DENND1A: variants seen among roughly 807,000 people sequenced by gnomAD.
DENND1A encodes DENN domain-containing protein 1A.
In DENND1A, 51 loss-of-function variants were observed where a neutral mutation model predicts 113.7. The ratio of observed to expected loss-of-function variants is 0.45; its 90% CI spans 0.36 to 0.57. The LOEUF is 0.57. Ranked by LOEUF, DENND1A falls within the 20% of genes least tolerant of loss-of-function variation. DENND1A has a pLI of 0.00. For missense variants in DENND1A, 1,258 were observed against 1,395.9 expected, an observed-to-expected ratio of 0.90 and a Z score of 1.57; for synonymous variants, 565 against 570.8, an observed-to-expected ratio of 0.99 and a Z score of 0.14.
intron 10 of DENND1A, among the ~76,000 whole-genome samples, chr9:123,617,216 A>G (rs568680449): frequency 2.0e-5 from 3 of 152,328 alleles, no homozygotes; most frequent in African/African-American, 7.2e-5. Flanking sequence ...ATGAGCAACA[A>G]CAGAGGATGA....
chr9:123,390,767 G>A (rs1404433806), intron 21 of DENND1A, among the ~76,000 whole-genome samples: 4 of 152,232 alleles, frequency 2.6e-5, no homozygotes, highest in Admixed American at 1.3e-4. Context: ...TCCTGTGAGC[G>A]GGGCTCGGAG....
At chr9:123,866,295 A>C (rs1419340267) in intron 2 of DENND1A, among the ~76,000 whole-genome samples, 2 of 152,190 alleles carry the variant, frequency 1.3e-5, no homozygotes, top group Non-Finnish European at 2.9e-5. Flanking sequence ...TTAAATAAAA[A>C]CTCTGGTAGC....
At chr9:123,660,387 A>C (rs1479741662) in intron 8 of DENND1A, among the ~76,000 whole-genome samples, 2 of 152,128 alleles carry the variant, frequency 1.3e-5, no homozygotes, top group African/African-American at 4.8e-5. Context: ...TAAATTTTTA[A>C]AATAGTGGGG....
chr9:123,481,560 TAAG>T (rs2050338543), intron 13 of DENND1A, among the ~76,000 whole-genome samples: 1 of 152,140 alleles, frequency 6.6e-6, no homozygotes, highest in Non-Finnish European at 1.5e-5. Context: ...GAAACCCAAA[TAAG>T]GAGTGGTGGG....
chr9:123,862,347 T>C (rs1039773926), intron 2 of DENND1A, among the ~76,000 whole-genome samples: 3 of 152,212 alleles, frequency 2.0e-5, no homozygotes, highest in Non-Finnish European at 4.4e-5. Flanking sequence ...TCTAACAAGA[T>C]ATGAGAGCAA....
At chr9:123,599,225 T>G (rs941187503) in intron 11 of DENND1A, among the ~76,000 whole-genome samples, 4 of 152,254 alleles carry the variant, frequency 2.6e-5, no homozygotes, top group Admixed American at 2.6e-4. Context: ...ATCTCTTAAG[T>G]GTCCAACTTT....
At chr9:123,845,692 A>AAAAAAAAAAAAAAAAAAAAAAAC in intron 2 of DENND1A, among the ~76,000 whole-genome samples, 1 of 148,182 alleles carries the variant, frequency 6.7e-6, no homozygotes, top group African/African-American at 2.5e-5. Flanking sequence ...AAAAAAAAAA[A>AAAAAAAAAAAAAAAAAAAAAAAC]AAAGAGGAAT....
intron 8 of DENND1A, among the ~76,000 whole-genome samples, chr9:123,657,486 G>C (rs2063017319): frequency 6.6e-6 from 1 of 152,152 alleles, no homozygotes; most frequent in African/African-American, 2.4e-5. Context: ...ATACCTTAGG[G>C]AAATGAGATA....
chr9:123,406,109 G>T (rs1588364915), intron 20 of DENND1A, among the ~76,000 whole-genome samples: 1 of 152,244 alleles, frequency 6.6e-6, no homozygotes, highest in East Asian at 1.9e-4. Context: ...ACACGGCACG[G>T]TGGCTTAGGG....
rs185093240 is a variant in DENND1A, at chr9:123,741,179, C to T, written c.302+16524G>A. 4.0e-3 allele frequency among the ~76,000 whole-genome samples: 608 copies of T among 152,244 alleles called. 5 individuals are homozygous for T. Among genetic ancestry groups the T allele is most frequent in the Non-Finnish European group, 7.0e-3 (479 of 68,000 alleles). ...TCACACATGCCTGGCTGAAATCATG[C>T]CAAACCTCAGCAACTTTTAAAAGTG... On this transcript the variant is annotated intron_variant, in intron 5 of 23. Transcript: ENST00000394215.
At chr9:123,724,308 TAAA>T (rs2067541947) in intron 5 of DENND1A, among the ~76,000 whole-genome samples, 1 of 152,164 alleles carries the variant, frequency 6.6e-6, no homozygotes, top group African/African-American at 2.4e-5. Context: ...AATCAGCTTC[TAAA>T]ACCACACATA....
At chr9:123,833,210 A>C (rs1341153804) in intron 2 of DENND1A, among the ~76,000 whole-genome samples, 2 of 151,722 alleles carry the variant, frequency 1.3e-5, no homozygotes, top group Non-Finnish European at 2.9e-5. Flanking sequence ...TGGTGTTTGG[A>C]AAGACACATA....
At chr9:123,473,587 T>C (rs1025760882) in intron 13 of DENND1A, among the ~76,000 whole-genome samples, 3 of 152,174 alleles carry the variant, frequency 2.0e-5, no homozygotes, top group Admixed American at 1.3e-4. Context: ...TCACTGATCA[T>C]TTTCATCTTG....
chr9:123,773,064 G>A (rs2131681580), intron 3 of DENND1A, among the ~76,000 whole-genome samples: 1 of 152,224 alleles, frequency 6.6e-6, no homozygotes, highest in Admixed American at 6.5e-5. Context: ...TATGAAATAG[G>A]CAATTTCCAA....
intron 9 of DENND1A, among the ~76,000 whole-genome samples, chr9:123,638,232 G>T (rs369251031): frequency 5.3e-5 from 8 of 152,182 alleles, no homozygotes; most frequent in African/African-American, 1.9e-4. Context: ...AGCAGAAGCA[G>T]AAAACCATGG....
intron 8 of DENND1A, among the ~76,000 whole-genome samples, chr9:123,654,400 C>A (rs886936427): frequency 2.6e-5 from 4 of 152,132 alleles, no homozygotes; most frequent in South Asian, 4.1e-4. Context: ...CAAGAGTCTG[C>A]CAAGAAGCTT....
chr9:123,434,785 A>G (rs1472041576), intron 19 of DENND1A, among the ~76,000 whole-genome samples: 1 of 152,138 alleles, frequency 6.6e-6, no homozygotes, highest in Admixed American at 6.5e-5. Flanking sequence ...AGAGGCTGGG[A>G]GCGGGGGTGA....
At chr9:123,495,141 T>TTCTCTCTCTCTCTCTC (rs56390148) in intron 13 of DENND1A, among the ~76,000 whole-genome samples, 1,952 of 140,548 alleles carry the variant, frequency 0.014, 48 homozygotes, top group African/African-American at 0.031. Flanking sequence ...CATTGTCTCT[T>TTCTCTCTCTCTCTCTC]TCTCTCTCTC....
intron 2 of DENND1A, among the ~76,000 whole-genome samples, chr9:123,810,007 T>C (rs1222353323): frequency 6.6e-6 from 1 of 152,218 alleles, no homozygotes; most frequent in African/African-American, 2.4e-5. Context: ...TTTTGTCCTG[T>C]CTGCCTGACT....
Sources: allele counts gnomAD v4.1 joint callset (sites outside exome capture counted in the v4.1 genomes callset), GRCh38; gene constraint gnomAD v4.1.1; transcripts MANE v1.5; gene names NCBI Gene and HGNC (gene_info 2026-07-23, HGNC 2026-07-21).